ADGRE2: variants seen among roughly 807,000 people sequenced by gnomAD.
The protein encoded by ADGRE2 is adhesion G protein-coupled receptor E2, also known as CD97 antigen.
Under a neutral mutation model 100.8 loss-of-function variants are expected in ADGRE2, and 83 were observed. The observed-to-expected ratio is 0.82, with a 90% CI of 0.69 to 0.99. ADGRE2 has a LOEUF of 0.99. Ranked by LOEUF, ADGRE2 falls within the 50% of genes least tolerant of loss-of-function variation. The pLI is 0.00. For missense variants in ADGRE2, 814 were observed against 1,035.7 expected (o/e 0.79, Z 2.94); for synonymous variants, 355 against 413.0 (o/e 0.86, Z 1.70).
intron 12 of ADGRE2, 119 bp from the exon 13 acceptor site, chr19:14,755,996 C>A: frequency 1.2e-6 from 1 of 836,134 alleles, no homozygotes; most frequent in Non-Finnish European, 1.9e-6. Flanking sequence ...TTGGCTTCAC[C>A]CCTCCCACAC....
At chr19:14,752,214 T>G in intron 15 of ADGRE2, 115 bp downstream of exon 15, 1 of 1,332,598 alleles carries the variant, frequency 7.5e-7, no homozygotes, top group Non-Finnish European at 1.0e-6. Context: ...ATTACAGGCA[T>G]GAGCCACCAC....
At chr19:14,772,078 G>A (rs1236837479) in intron 5 of ADGRE2, 1 of 529,666 alleles carries the variant, frequency 1.9e-6, no homozygotes, top group Non-Finnish European at 3.4e-6. Context: ...TCTAAGAGCA[G>A]TAGTGATGTT....
At chr19:14,746,373 C>CAA in intron 17 of ADGRE2, 50 bp from the exon 18 acceptor site, 1 of 940,996 alleles carries the variant, frequency 1.1e-6, no homozygotes, top group Non-Finnish European at 1.6e-6. Flanking sequence ...AACCTGTTAT[C>CAA]TCTTTTTTTT....
intron 18 of ADGRE2, among the ~76,000 whole-genome samples, chr19:14,745,208 C>A (rs576598719): frequency 6.6e-6 from 1 of 152,148 alleles, no homozygotes; most frequent in Non-Finnish European, 1.5e-5. Flanking sequence ...CCATGCCCGG[C>A]CTTCTTTGTG....
chr19:14,775,204 C>T (rs997215587), intron 2 of ADGRE2, among the ~76,000 whole-genome samples: 1 of 151,712 alleles, frequency 6.6e-6, no homozygotes, highest in Non-Finnish European at 1.5e-5. Flanking sequence ...GGGGTTTCAC[C>T]ATGTTGGCCA....
intron 19 of ADGRE2, 43 bp from the exon 20 acceptor site, chr19:14,743,573 G>A (rs768417184): frequency 1.9e-6 from 3 of 1,613,694 alleles, no homozygotes; most frequent in Non-Finnish European, 2.5e-6. Context: ...ACAGAGAGCA[G>A]TGAGGACAGG....
In ADGRE2 at chr19:14,773,958, G is replaced by T. The variant is rs1381943813; in HGVS notation, c.179C>A (p.Thr60Asn). 1 of 1,614,192 alleles carries T rather than the reference G, an allele frequency of 6.2e-7. No homozygotes were observed. The highest frequency in any genetic ancestry group is 8.5e-7 in the Non-Finnish European group (1 of 1,180,022). Residue 60 changes from threonine to asparagine, a missense_variant, in exon 4 of 21, where the codon ACC becomes AAC. Physicochemically the swap from Thr to Asn is moderately conservative, Grantham distance 65. Transcript: ENST00000315576. Reference protein sequence around the residue: ...GFSSFSEIITTPMETCDDINE... With the variant: ...GFSSFSEIITNPMETCDDINE... ...TGTACCGTCACAAGTCTCCATGGGGGTGGTGATGATCTCAGAAAAAGAGCT... is the reference window on the plus strand; with the variant it reads ...TGTACCGTCACAAGTCTCCATGGGGTTGGTGATGATCTCAGAAAAAGAGCT...
At chr19:14,750,786 A>C (rs1339743787) in intron 16 of ADGRE2, among the ~76,000 whole-genome samples, 1 of 152,144 alleles carries the variant, frequency 6.6e-6, no homozygotes, top group Admixed American at 6.5e-5. Flanking sequence ...TATTTCAGTG[A>C]GACAGATTTA....
intron 16 of ADGRE2, 89 bp from the exon 17 acceptor site, chr19:14,747,051 C>G (rs554777822): frequency 9.3e-6 from 10 of 1,074,934 alleles, no homozygotes; most frequent in Non-Finnish European, 2.8e-6. Flanking sequence ...TCACCACTTC[C>G]TCACTTCCTT....
chr19:14,764,086 G>A (rs2043856739), intron 11 of ADGRE2, among the ~76,000 whole-genome samples: 1 of 151,216 alleles, frequency 6.6e-6, no homozygotes, highest in Non-Finnish European at 1.5e-5. Flanking sequence ...TTTTTGAGAT[G>A]GGGTCTTGCC....
chr19:14,755,995 C>A (rs2043489906), intron 12 of ADGRE2, 118 bp from the exon 13 acceptor site: 16 of 850,952 alleles, frequency 1.9e-5, no homozygotes, highest in South Asian at 3.4e-5. Context: ...TTTGGCTTCA[C>A]CCCTCCCACA....
At position 14,749,545 on chromosome 19, in the gene ADGRE2, ATTAT is replaced by A. The variant is rs1189177717; in HGVS notation, c.2024+1887_2024+1890del. Among the ~76,000 whole-genome samples, 14 of 138,690 alleles carry A rather than the reference ATTAT, an allele frequency of 1.0e-4. 3 individuals are homozygous for A. The highest frequency in any genetic ancestry group is 3.5e-4 in the African/African-American group (13 of 37,472). 91.0% of individuals were successfully genotyped at this position (138,690 alleles called of 152,430 possible). On this transcript the variant is annotated intron_variant, in intron 16 of 20. Transcript: ENST00000315576. Reference sequence around the variant, plus strand: ...TAATATAATTATTTATGGTTATATAATTATTTATAGTTATGTTATGTAATTATTT... The same window carrying A: ...TAATATAATTATTTATGGTTATATAATTATAGTTATGTTATGTAATTATTT...
intron 5 of ADGRE2, chr19:14,772,005 C>A: frequency 3.1e-6 from 1 of 322,926 alleles, no homozygotes; most frequent in Non-Finnish European, 5.9e-6. Context: ...CCTTGGTCCT[C>A]CTAGAAGGCA....
the ADGRE2 span, among the ~76,000 whole-genome samples, chr19:14,726,458 G>A: frequency 6.6e-6 from 1 of 152,300 alleles, no homozygotes; most frequent in East Asian, 1.9e-4. Flanking sequence ...CCCCGAAAAT[G>A]CTCTTTCCTT....
chr19:14,744,897 C>CT (rs149723489), intron 18 of ADGRE2, among the ~76,000 whole-genome samples: 14,560 of 146,040 alleles, frequency 0.1, 2,372 homozygotes, highest in African/African-American at 0.34. Context: ...GTTCTTTGCA[C>CT]TTTTTTTTTT....
rs375661729 is a variant in ADGRE2 at position 14,743,410 on chromosome 19, G to C, written c.2463+10C>G. 11 of 1,610,384 alleles carry C rather than the reference G, an allele frequency of 6.8e-6. No homozygotes were observed. Among genetic ancestry groups the C allele is most frequent in the Non-Finnish European group, 9.3e-6 (11 of 1,176,552 alleles). On this transcript the variant is annotated intron_variant, in intron 20 of 20. Transcript: ENST00000315576. Reference sequence around the variant, plus strand: ...TTAGTGAAGTGCTCTGGAGCAATGCGTGATCTTACCGTGCTGGGTTTGGAG... The same window carrying C: ...TTAGTGAAGTGCTCTGGAGCAATGCCTGATCTTACCGTGCTGGGTTTGGAG...
chr19:14,758,617 G>T (rs2043582766), intron 11 of ADGRE2, among the ~76,000 whole-genome samples: 1 of 152,200 alleles, frequency 6.6e-6, no homozygotes, highest in Non-Finnish European at 1.5e-5. Context: ...GGGCGCAGTG[G>T]CTCACGCCTG....
Position 14,736,445 on chromosome 19 carries a change from G to C in ADGRE2, c.2464-201C>G, listed in dbSNP as rs138327338. On this transcript the variant is annotated intron_variant, in intron 20 of 20. Coordinates refer to ENST00000315576, the MANE Select transcript of ADGRE2 (RefSeq NM_013447.4). ...CCCGGCTAATTTTGTATTTTTAGTA[G>C]AGACAGGGTTTCACCACGTAGGCCA... is the stretch of plus-strand genomic sequence containing the variant. 5.9e-3 allele frequency among the ~76,000 whole-genome samples: 890 copies of C among 152,018 alleles called. 3 individuals are homozygous for C. Among genetic ancestry groups the C allele is most frequent in the Non-Finnish European group, 7.4e-3 (503 of 67,980 alleles).
chr19:14,754,456 T>TATC (rs1256438593), intron 14 of ADGRE2, among the ~76,000 whole-genome samples: 1 of 145,234 alleles, frequency 6.9e-6, no homozygotes, highest in Non-Finnish European at 1.5e-5. Context: ...TCTATCTATC[T>TATC]ATCTATCTAT....
Sources: allele counts gnomAD v4.1 joint callset (sites outside exome capture counted in the v4.1 genomes callset), GRCh38; gene constraint gnomAD v4.1.1; transcripts MANE v1.5; gene names NCBI Gene and HGNC (gene_info 2026-07-23, HGNC 2026-07-21).